Variants in WRAP73 observed in about 807,000 individuals in gnomAD.
WRAP73 encodes the protein WD repeat containing, antisense to TP73.
Under a neutral mutation model 59.6 loss-of-function variants are expected in WRAP73, and 55 were observed. The ratio of observed to expected loss-of-function variants is 0.92; its 90% confidence interval spans 0.74 to 1.15. The LOEUF is 1.15. Among genes scored for constraint, WRAP73 ranks in the 50% most tolerant of loss-of-function variants. The pLI is 0.00. For synonymous variants in WRAP73, 265 were observed against 258.2 expected, an observed-to-expected ratio of 1.03 and a Z score of -0.25; for missense variants, 592 against 608.1, an observed-to-expected ratio of 0.97 and a Z score of 0.28.
Position 3,646,633 on chromosome 1 carries a change from T to G in WRAP73, c.339+33A>C. Reference sequence around the variant, plus strand: ...TTCGAGAGCAGAGGACAGGATCACATGGCCAGTAAGGTGTCTTGGGGCTGA... The same window carrying G: ...TTCGAGAGCAGAGGACAGGATCACAGGGCCAGTAAGGTGTCTTGGGGCTGA... On this transcript the variant is annotated intron_variant, in intron 3 of 11. Transcript: ENST00000270708. This position sits in a 1 kb window ranked among gnomAD's most constrained non-coding sequence, Gnocchi z 5.1. 1 of 1,554,306 alleles carries G rather than the reference T, an allele frequency of 6.4e-7. No individual in the cohort carries two copies. Among genetic ancestry groups the G allele is most frequent in the Non-Finnish European group, 8.8e-7 (1 of 1,136,194 alleles).
In WRAP73 at chr1:3,631,960, G is replaced by A; in HGVS notation, c.1048+253C>T. 1.4e-6 allele frequency: 2 copies of A among 1,403,104 alleles called. 1 individual carries two copies. Among genetic ancestry groups the A allele is most frequent in the East Asian group, 5.3e-5 (2 of 37,610 alleles). 86.9% of individuals were successfully genotyped at this position (1,403,104 alleles called of 1,614,324 possible). On this transcript the variant is annotated intron_variant, in intron 10 of 11. Coordinates refer to ENST00000270708, the MANE Select transcript of WRAP73 (RefSeq NM_017818.4). ...GGCGGGCTGCAGTGTGCCCAGCCCT[G>A]CTTTCTACTCAGCAGAGTGGAGCAA...
Position 3,632,241 on chromosome 1 carries a change from A to T in WRAP73, c.1020T>A (p.Pro340=). Residue 340 remains proline (P), a synonymous_variant, in exon 10 of 12, where the codon CCT becomes CCA. Coordinates refer to ENST00000270708, the MANE Select transcript of WRAP73 (RefSeq NM_017818.4). ...TCCTTGTCGCCAGGAAGTAGCTGTC[A>T]GGACTAAATGCCAGCATTCCTATGC... ...KIGIGMLAFS[P]DSYFLATRND... The T allele has an allele frequency of 3.7e-6, 6 of 1,614,126 alleles. No homozygotes were observed. Among genetic ancestry groups the T allele is most frequent in the Non-Finnish European group, 5.1e-6 (6 of 1,179,972 alleles).
intron 9 of WRAP73, chr1:3,633,015 A>C (rs114027090): frequency 0.014 from 3,783 of 267,148 alleles, 164 homozygotes; most frequent in African/African-American, 0.079. Flanking sequence ...AAGAGGCTGC[A>C]TCAGAACCGG....
At position 3,639,785 on chromosome 1, in the gene WRAP73, G is replaced by A. The variant is rs1391821220; in HGVS notation, c.340-963C>T. ...GGTGCTGACTGCCAGCTCCGTGTGT[G>A]GGGACACAGGGCTGCGCAGCTCCAT... On this transcript the variant is annotated intron_variant, in intron 3 of 11. Transcript: ENST00000270708. The surrounding 1 kb of genome is among the most constrained non-coding windows in gnomAD (Gnocchi z 4.3). 6.6e-6 allele frequency among the ~76,000 whole-genome samples: 1 copy of A among 150,862 alleles called. No homozygotes were observed. The highest frequency in any genetic ancestry group is 1.5e-5 in the Non-Finnish European group (1 of 67,642).
chr1:3,633,638 G>T, intron 8 of WRAP73, 135 bp from the exon 9 acceptor site: 1 of 687,926 alleles, frequency 1.5e-6, no homozygotes, highest in Non-Finnish European at 2.4e-6. Context: ...GCCACCGGGA[G>T]AGACGGAAGC....
rs777673543 is a variant in WRAP73, at chr1:3,647,410, G to A, written c.220C>T (p.Gln74Ter). 2 of 1,612,842 alleles carry A rather than the reference G, an allele frequency of 1.2e-6. No homozygotes were observed. The highest frequency in any genetic ancestry group is 1.7e-6 in the Non-Finnish European group (2 of 1,179,520). ...CTAAGCGACACGGCAGCACACACCT[G>A]CACCAGCCCTCGCTTGTACATGGCG... ...LCAMYKRGLV[Q>*]VWSLEQPEWH... Residue 74 changes from glutamine to a stop codon, truncating the protein, a stop_gained and splice_region_variant, in exon 2 of 12, where the codon CAG becomes TAG. Transcript: ENST00000270708. LOFTEE classifies it high-confidence loss of function.
intron 6 of WRAP73, 66 bp from the exon 7 acceptor site, chr1:3,635,360 G>A (rs555829296): frequency 2.1e-5 from 34 of 1,594,506 alleles, no homozygotes; most frequent in African/African-American, 1.7e-4. Flanking sequence ...CCACAGACGC[G>A]GGTGCTGCAG....
At chr1:3,634,730 G>T in intron 8 of WRAP73, 1 of 497,314 alleles carries the variant, frequency 2.0e-6, no homozygotes, top group Non-Finnish European at 3.7e-6. Context: ...CATCCAGACA[G>T]ACCACAAAGG....
At chr1:3,643,447 TC>T (rs1299470178) in intron 3 of WRAP73, among the ~76,000 whole-genome samples, 3 of 152,184 alleles carry the variant, frequency 2.0e-5, no homozygotes, top group Admixed American at 6.5e-5. Context: ...TCACTGAACC[TC>T]GTCTAATGGG....
At chr1:3,643,185 G>A (rs1260933009) in intron 3 of WRAP73, among the ~76,000 whole-genome samples, 1 of 152,256 alleles carries the variant, frequency 6.6e-6, no homozygotes, top group Non-Finnish European at 1.5e-5. Context: ...TCTAAAAGCA[G>A]TGACGGGGAA....
intron 10 of WRAP73, 44 bp downstream of exon 10, chr1:3,632,169 G>A: frequency 6.3e-7 from 1 of 1,578,682 alleles, no homozygotes; most frequent in Non-Finnish European, 8.6e-7. Context: ...GGGGCCACAG[G>A]ACACAGTAAA....
chr1:3,644,329 G>A (rs1399621186), intron 3 of WRAP73, among the ~76,000 whole-genome samples: 1 of 102,064 alleles, frequency 9.8e-6, no homozygotes, highest in Non-Finnish European at 1.9e-5. Context: ...CAGCGGCCCC[G>A]CTGAGCCCCG....
rs1362888785 is a variant in WRAP73 at position 3,636,722 on chromosome 1, C to T, written c.516+273G>A. 1.7e-5 allele frequency: 8 copies of T among 482,236 alleles called. No homozygotes were observed. In the East Asian group the frequency reaches 2.2e-4, roughly 13 times the overall value. 29.9% of individuals were successfully genotyped at this position (482,236 alleles called of 1,614,324 possible). On this transcript the variant is annotated intron_variant, in intron 5 of 11. Coordinates refer to ENST00000270708, the MANE Select transcript of WRAP73 (RefSeq NM_017818.4). ...CAACTCCCGACGTGGCACACACATG[C>T]GCAAACACCATCACACAGGACAAGG... is the stretch of plus-strand genomic sequence containing the variant.
rs1644541665 is a variant in WRAP73 at position 3,632,160 on chromosome 1, G to A, written c.1048+53C>T. 2.6e-6 allele frequency: 4 copies of A among 1,557,534 alleles called. No individual in the cohort carries two copies. The Admixed American group carries it at 7.8e-5, about 30-fold the overall frequency. ...TCTTTTCCAGTCGCTTCTACACCTG[G>A]GGCCACAGGACACAGTAAAGGGTGA... On this transcript the variant is annotated intron_variant, in intron 10 of 11. Transcript: ENST00000270708.
intron 3 of WRAP73, among the ~76,000 whole-genome samples, chr1:3,642,909 A>G (rs1457897369): frequency 6.6e-6 from 1 of 152,028 alleles, no homozygotes; most frequent in Non-Finnish European, 1.5e-5. Flanking sequence ...GGAAACGCAA[A>G]CTAAATCCAA....
rs1332065881 is a variant in WRAP73, at chr1:3,639,018, T to G, written c.340-196A>C. On this transcript the variant is annotated intron_variant, in intron 3 of 11. Coordinates refer to ENST00000270708, the MANE Select transcript of WRAP73 (RefSeq NM_017818.4). This position sits in a 1 kb window ranked among gnomAD's most constrained non-coding sequence, Gnocchi z 4.3. ...TACTGTGGTTACGGTAAATTTGGTG[T>G]TCTTGGTTTTCTGTTGTTGTTGTTT... 1.8e-6 allele frequency: 1 copy of G among 565,448 alleles called. No individual in the cohort carries two copies. Among genetic ancestry groups the G allele is most frequent in the Non-Finnish European group, 3.0e-6 (1 of 330,526 alleles). The allele number at this position is 565,448 out of a possible 1,614,324, so 35.0% of individuals were successfully genotyped here. A position where few individuals can be genotyped will look rare whatever the true frequency, so the allele number is the denominator to read the frequency against.
chr1:3,650,079 A>G lies in WRAP73; in HGVS notation c.-80T>C. ...GGCGCGCAGCAGGCTGCAACAGCCG[A>G]CGCCGGCCTCCGAGGCCGGAAGTCA... On this transcript the variant is annotated 5_prime_UTR_variant, in exon 1 of 12. Transcript: ENST00000270708. 5.0e-6 allele frequency: 7 copies of G among 1,412,256 alleles called. No homozygotes were observed. The highest frequency in any genetic ancestry group is 2.8e-5 in the East Asian group (1 of 36,108). 87.5% of individuals were successfully genotyped at this position (1,412,256 alleles called of 1,614,324 possible). A position where few individuals can be genotyped will look rare whatever the true frequency, so the allele number is the denominator to read the frequency against.
chr1:3,647,362 G>A, intron 2 of WRAP73, 46 bp downstream of exon 2: 1 of 1,553,558 alleles, frequency 6.4e-7, no homozygotes, highest in Non-Finnish European at 8.7e-7. Flanking sequence ...CCTTCCCAGG[G>A]GCCCTCAGAA....
rs1302008442 is a variant in WRAP73 at position 3,631,019 on chromosome 1, CCT to C, written c.1337_1338del (p.Glu446GlyfsTer20). 1.9e-6 allele frequency: 3 copies of C among 1,613,000 alleles called. No homozygotes were observed. The highest frequency in any genetic ancestry group is 4.5e-5 in the East Asian group (2 of 44,890). ...DHFCLCFLETEAVVGTACRQL... is the reference protein window; with the variant it reads ...DHFCLCFLETXAVVGTACRQL... The stretch of plus-strand genomic sequence containing the variant: ...TGTCTGCAGGCTGTGCCGACCACTG[CCT>C]CTGTCTCCAGGAAGCAGAGGCAGAA... On this transcript the variant is annotated frameshift_variant, in exon 12 of 12. Coordinates refer to ENST00000270708, the MANE Select transcript of WRAP73 (RefSeq NM_017818.4). LOFTEE classifies it low-confidence loss of function (END_TRUNC).
Sources: gnomAD v4.1 joint callset for allele counts (sites outside exome capture counted in the v4.1 genomes callset) on GRCh38, gnomAD v4.1.1 for gene constraint, Gnocchi (gnomAD v3.1) non-coding constraint, MANE v1.5 for transcripts, NCBI Gene and HGNC (gene_info 2026-07-23, HGNC 2026-07-21) for gene names.